The following INO80 variants were observed in gnomAD, a reference collection of about 807,000 sequenced individuals.
INO80 encodes the protein chromatin-remodeling ATPase INO80.
Under a neutral mutation model 203.4 loss-of-function variants are expected in INO80, and 20 were observed. The observed-to-expected ratio is 0.10, with a 90% CI of 0.07 to 0.14. INO80 has a LOEUF of 0.14. Ranked by LOEUF, INO80 falls within the 10% of genes least tolerant of loss-of-function variation. The pLI is 1.00. For synonymous variants in INO80, 726 were observed against 685.2 expected (o/e 1.06, Z -0.93); for missense variants, 1,419 against 1,914.4 (o/e 0.74, Z 4.83).
chr15:41,048,012 AC>A, intron 22 of INO80, among the ~76,000 whole-genome samples, 199 bp downstream of exon 22: 1 of 152,294 alleles, frequency 6.6e-6, no homozygotes, highest in East Asian at 1.9e-4. Flanking sequence ...ACTATTTTCT[AC>A]TTTTTCCTCT....
chr15:41,104,632 G>A (rs1281478162), intron 1 of INO80, among the ~76,000 whole-genome samples: 1 of 152,078 alleles, frequency 6.6e-6, no homozygotes, highest in African/African-American at 2.4e-5. Context: ...CCGCCTCCCA[G>A]ATTCAAGGGA....
chr15:41,055,287 G>C lies in INO80; in HGVS notation c.2148C>G (p.Asp716Glu), dbSNP rs1181557616. ...ATTTGTTTTCGGCATGGCTCTCAAT[G>C]TCCTTGGAAAACCATTCATTAAATT... is the stretch of plus-strand genomic sequence containing the variant. The part of the protein sequence containing the change: ...HEEFNEWFSK[D>E]IESHAENKSA... Residue 716 changes from aspartate to glutamate, a missense_variant, in exon 18 of 36, where the codon GAC becomes GAG. Transcript: ENST00000648947. 1 of 1,613,030 alleles carries C rather than the reference G, an allele frequency of 6.2e-7. No individual in the cohort carries two copies. The highest frequency in any genetic ancestry group is 1.3e-5 in the African/African-American group (1 of 74,876).
chr15:41,085,645 A>C, intron 6 of INO80, 62 bp from the exon 7 acceptor site: 21 of 1,310,954 alleles, frequency 1.6e-5, no homozygotes, highest in Non-Finnish European at 2.0e-5. Context: ...AAGCAACCTC[A>C]TGACTTAAAA....
intron 1 of INO80, among the ~76,000 whole-genome samples, chr15:41,098,878 TAG>T (rs2045763410): frequency 6.6e-6 from 1 of 151,848 alleles, no homozygotes; most frequent in African/African-American, 2.4e-5. Context: ...GACTAGCTAA[TAG>T]ACACATGAAA....
At chr15:41,069,262 G>A (rs947977089) in intron 14 of INO80, among the ~76,000 whole-genome samples, 43 of 143,488 alleles carry the variant, frequency 3.0e-4, no homozygotes, top group Admixed American at 1.4e-4. Flanking sequence ...GCCCTGCCCC[G>A]TTCAAGCGAT....
chr15:41,016,308 A>C, intron 26 of INO80, 93 bp from the exon 27 acceptor site: 1 of 1,217,844 alleles, frequency 8.2e-7, no homozygotes, highest in Non-Finnish European at 1.2e-6. Flanking sequence ...CAATCACTAA[A>C]ACCAAGATGC....
intron 4 of INO80, 64 bp from the exon 5 acceptor site, chr15:41,092,246 A>G: frequency 7.3e-7 from 1 of 1,371,628 alleles, no homozygotes; most frequent in Non-Finnish European, 9.9e-7. Flanking sequence ...TAATCCAAGC[A>G]TTTTTTCCTA....
chr15:41,099,619 A>G (rs1346202706), intron 1 of INO80, among the ~76,000 whole-genome samples: 2 of 152,104 alleles, frequency 1.3e-5, no homozygotes, highest in Non-Finnish European at 2.9e-5. Context: ...TGTCTCTACA[A>G]AAAAATTTAA....
intron 24 of INO80, among the ~76,000 whole-genome samples, chr15:41,039,729 G>A (rs952353508): frequency 6.6e-6 from 1 of 152,076 alleles, no homozygotes; most frequent in African/African-American, 2.4e-5. Context: ...GGACCTTTGA[G>A]GTCAAATAAT....
chr15:41,062,106 A>G (rs1419523249), intron 14 of INO80, among the ~76,000 whole-genome samples: 1 of 152,164 alleles, frequency 6.6e-6, no homozygotes, highest in Non-Finnish European at 1.5e-5. Flanking sequence ...CTAAACATAA[A>G]ATATATAAGC....
At chr15:41,036,240 T>G (rs2044574595) in intron 24 of INO80, among the ~76,000 whole-genome samples, 1 of 143,260 alleles carries the variant, frequency 7.0e-6, no homozygotes, top group Non-Finnish European at 1.5e-5. Flanking sequence ...ACAGAAACAG[T>G]GTGAGATATC....
At chr15:41,047,362 T>C (rs780586687) in intron 23 of INO80, 46 bp downstream of exon 23, 1 of 1,174,924 alleles carries the variant, frequency 8.5e-7, no homozygotes, top group Non-Finnish European at 1.3e-6. Flanking sequence ...ATCTATCCCA[T>C]TTATTCCTAA....
At chr15:41,022,224 A>G (rs2044304885) in intron 25 of INO80, among the ~76,000 whole-genome samples, 1 of 152,254 alleles carries the variant, frequency 6.6e-6, no homozygotes, top group South Asian at 2.1e-4. Context: ...GGGGAGAAAC[A>G]GCGTATGAGA....
At chr15:41,051,595 G>C (rs2140533960) in intron 19 of INO80, among the ~76,000 whole-genome samples, 1 of 151,570 alleles carries the variant, frequency 6.6e-6, no homozygotes, top group South Asian at 2.1e-4. Context: ...AGAATCGCTT[G>C]AGCCCAGGAG....
intron 1 of INO80, among the ~76,000 whole-genome samples, chr15:41,103,683 G>A (rs1370989320): frequency 6.6e-6 from 1 of 152,092 alleles, no homozygotes. Context: ...GAGCCACTGT[G>A]CCCAGCCCAA....
At chr15:41,023,600 C>G (rs1380013472) in intron 25 of INO80, among the ~76,000 whole-genome samples, 1 of 151,640 alleles carries the variant, frequency 6.6e-6, no homozygotes, top group East Asian at 1.9e-4. Context: ...GAAACCCCGT[C>G]TCTACTAAAA....
At position 40,993,653 on chromosome 15, in the gene INO80, G is replaced by A. The variant is rs1057094767; in HGVS notation, c.3570+3876C>T. 2.6e-5 allele frequency among the ~76,000 whole-genome samples: 4 copies of A among 152,232 alleles called. No homozygotes were observed. The South Asian group carries it at 8.3e-4, about 32-fold the overall frequency. On this transcript the variant is annotated intron_variant, in intron 29 of 35. Coordinates refer to ENST00000648947, the MANE Select transcript of INO80 (RefSeq NM_017553.3). ...GCCCGCCTGTAGTCCCAGCTACTCG[G>A]GAGGCTGAGGTGGGAGAATCACTTG...
At chr15:40,992,690 A>C (rs2043831630) in intron 29 of INO80, among the ~76,000 whole-genome samples, 1 of 152,234 alleles carries the variant, frequency 6.6e-6, no homozygotes, top group Non-Finnish European at 1.5e-5. Flanking sequence ...CATTTTTCTA[A>C]GAACTATTCC....
At chr15:40,983,161 G>GA in intron 34 of INO80, 84 bp from the exon 35 acceptor site, 2 of 1,137,844 alleles carry the variant, frequency 1.8e-6, no homozygotes. Context: ...TCCTGACAGG[G>GA]AAAGCGAGCT....
Sources: gnomAD v4.1 joint callset for allele counts (sites outside exome capture counted in the v4.1 genomes callset) on GRCh38, gnomAD v4.1.1 for gene constraint, MANE v1.5 for transcripts, NCBI Gene and HGNC (gene_info 2026-07-23, HGNC 2026-07-21) for gene names.